The following CACNA2D3 variants were observed in gnomAD, a reference collection of about 807,000 sequenced individuals.
CACNA2D3 encodes the protein voltage-dependent calcium channel subunit alpha-2/delta-3.
Under a neutral mutation model 160.6 loss-of-function variants are expected in CACNA2D3, and 60 were observed. The ratio of observed to expected loss-of-function variants is 0.37; its 90% CI spans 0.30 to 0.46. The LOEUF is 0.46. Ranked by LOEUF, CACNA2D3 falls within the 20% of genes least tolerant of loss-of-function variation. The probability of loss-of-function intolerance (pLI) is 1.00; values close to 1 mark genes in which losing one functional copy is unlikely to be tolerated. For synonymous variants in CACNA2D3, 558 were observed against 492.9 expected (o/e 1.13, Z -1.75); for missense variants, 1,205 against 1,365.0 (o/e 0.88, Z 1.85).
chr3:54,853,087 A>G (rs778818989), intron 17 of CACNA2D3, among the ~76,000 whole-genome samples: 3 of 152,104 alleles, frequency 2.0e-5, no homozygotes, highest in Non-Finnish European at 2.9e-5. Flanking sequence ...ATCTTGTCCC[A>G]GGTACACCTT....
At chr3:54,825,933 TACTC>T (rs747687976) in intron 14 of CACNA2D3, among the ~76,000 whole-genome samples, 28 of 152,210 alleles carry the variant, frequency 1.8e-4, no homozygotes, top group Non-Finnish European at 3.5e-4. Flanking sequence ...TATGATGAGT[TACTC>T]AAGAGAAAAC....
chr3:54,417,559 T>C (rs1202247627), intron 4 of CACNA2D3, among the ~76,000 whole-genome samples: 2 of 152,110 alleles, frequency 1.3e-5, no homozygotes, highest in Non-Finnish European at 2.9e-5. Context: ...TTTTAGGAAA[T>C]CTAGCAACTT....
At chr3:54,718,969 A>G (rs1324217128) in intron 11 of CACNA2D3, among the ~76,000 whole-genome samples, 1 of 151,972 alleles carries the variant, frequency 6.6e-6, no homozygotes, top group Non-Finnish European at 1.5e-5. Flanking sequence ...AATATTTGAA[A>G]GCCATCAACT....
rs991925692 is a variant in CACNA2D3, at chr3:55,034,186, T to C, written c.2987+15869T>C. Among the ~76,000 whole-genome samples the C allele has an allele frequency of 4.6e-5, 7 of 152,052 alleles. No homozygotes were observed. In the East Asian group the frequency reaches 1.3e-3, roughly 29 times the overall value. On this transcript the variant is annotated intron_variant, in intron 35 of 37. Transcript: ENST00000474759. ...CTCTTCTTCTACCAATTTATGAGAA[T>C]GTTAGTTATATTCATACCAACACGG...
intron 25 of CACNA2D3, among the ~76,000 whole-genome samples, chr3:54,894,202 C>T (rs558214998): frequency 6.6e-6 from 1 of 152,290 alleles, no homozygotes; most frequent in South Asian, 2.1e-4. Context: ...GATCTTTCTT[C>T]CTGAAGAACA....
chr3:54,363,247 A>G (rs1175989821), intron 3 of CACNA2D3, among the ~76,000 whole-genome samples: 2 of 152,184 alleles, frequency 1.3e-5, no homozygotes, highest in African/African-American at 2.4e-5. Flanking sequence ...ATTTTATGAA[A>G]GTATTATACT....
chr3:54,142,641 G>A (rs1351821390), intron 2 of CACNA2D3, among the ~76,000 whole-genome samples: 2 of 152,122 alleles, frequency 1.3e-5, no homozygotes, highest in Non-Finnish European at 2.9e-5. Context: ...AACATTTAAT[G>A]TAAGCCCAGA....
chr3:54,318,944 G>C (rs1703928615), intron 2 of CACNA2D3, among the ~76,000 whole-genome samples: 1 of 152,058 alleles, frequency 6.6e-6, no homozygotes, highest in Non-Finnish European at 1.5e-5. Context: ...GCTGCTCCTA[G>C]AACACATGGC....
intron 27 of CACNA2D3, among the ~76,000 whole-genome samples, chr3:54,951,169 A>G (rs1296359775): frequency 6.6e-6 from 1 of 152,214 alleles, no homozygotes; most frequent in African/African-American, 2.4e-5. Context: ...ATTTTGGGGC[A>G]TAACTACAAG....
At chr3:55,051,566 G>T (rs893590962) in intron 35 of CACNA2D3, among the ~76,000 whole-genome samples, 20 of 151,736 alleles carry the variant, frequency 1.3e-4, no homozygotes, top group African/African-American at 4.9e-4. Context: ...TTGTTTGTCT[G>T]TGCCCTCCCT....
chr3:54,346,623 C>T (rs1480636735), intron 3 of CACNA2D3, among the ~76,000 whole-genome samples: 2 of 152,088 alleles, frequency 1.3e-5, no homozygotes, highest in Non-Finnish European at 2.9e-5. Context: ...TCCAGTTTCT[C>T]GCATTATTAA....
chr3:54,641,885 A>G (rs376901946), intron 10 of CACNA2D3, among the ~76,000 whole-genome samples: 7 of 152,314 alleles, frequency 4.6e-5, no homozygotes, highest in African/African-American at 7.2e-5. Context: ...CCCTTGGCCA[A>G]CAGTAAGGTC....
At position 55,029,300 on chromosome 3, in the gene CACNA2D3, C is replaced by T. The variant is rs78076882; in HGVS notation, c.2987+10983C>T. 3.9e-4 allele frequency among the ~76,000 whole-genome samples: 59 copies of T among 152,294 alleles called. No homozygotes were observed. In the East Asian group the frequency reaches 8.7e-3, roughly 22 times the overall value. The stretch of plus-strand genomic sequence containing the variant: ...TAACACATTATTTAAATGCCCTAAC[C>T]CTCACTTTGCTCATCTCCAAGAGGG... On this transcript the variant is annotated intron_variant, in intron 35 of 37. Transcript: ENST00000474759.
chr3:54,770,560 A>G (rs1187712744), intron 13 of CACNA2D3, among the ~76,000 whole-genome samples: 1 of 152,176 alleles, frequency 6.6e-6, no homozygotes, highest in Non-Finnish European at 1.5e-5. Flanking sequence ...GTTTTTCTAA[A>G]CGGGAAAAGG....
At chr3:54,371,683 A>G (rs964713326) in intron 3 of CACNA2D3, among the ~76,000 whole-genome samples, 5 of 152,184 alleles carry the variant, frequency 3.3e-5, no homozygotes, top group African/African-American at 1.2e-4. Context: ...TTTGTGATTT[A>G]TTAGCCCAAG....
chr3:54,913,139 C>T lies in CACNA2D3; in HGVS notation c.2449+13271C>T, dbSNP rs182046211. 1.2e-4 allele frequency among the ~76,000 whole-genome samples: 18 copies of T among 152,272 alleles called. No homozygotes were observed. The East Asian group carries it at 3.3e-3, about 28-fold the overall frequency. ...TCACTCGGTCACTCAGACTGGAGTGCAGTGACTGGAATGAATCACTGCAGC... is the reference window on the plus strand; with the variant it reads ...TCACTCGGTCACTCAGACTGGAGTGTAGTGACTGGAATGAATCACTGCAGC... On this transcript the variant is annotated intron_variant, in intron 27 of 37. Transcript: ENST00000474759.
chr3:54,813,336 G>A (rs1451511452), intron 13 of CACNA2D3, among the ~76,000 whole-genome samples: 1 of 152,066 alleles, frequency 6.6e-6, no homozygotes, highest in East Asian at 1.9e-4. Flanking sequence ...ACATCTCCCC[G>A]GTGTGTTGAG....
intron 17 of CACNA2D3, among the ~76,000 whole-genome samples, chr3:54,851,566 C>T (rs1351937273): frequency 6.6e-6 from 1 of 152,162 alleles, no homozygotes; most frequent in African/African-American, 2.4e-5. Flanking sequence ...GTGGGAGTGA[C>T]TGGGATACCT....
chr3:54,876,109 C>T (rs1277057975), intron 18 of CACNA2D3, among the ~76,000 whole-genome samples: 1 of 152,084 alleles, frequency 6.6e-6, no homozygotes, highest in Non-Finnish European at 1.5e-5. Flanking sequence ...TGCATTTTTC[C>T]AGTTGTTCAC....
Sources: gnomAD v4.1 joint callset for allele counts (sites outside exome capture counted in the v4.1 genomes callset) on GRCh38, gnomAD v4.1.1 for gene constraint, MANE v1.5 for transcripts, NCBI Gene and HGNC (gene_info 2026-07-23, HGNC 2026-07-21) for gene names.